Variants in DLC1 observed in about 807,000 individuals in gnomAD.
DLC1 encodes rho GTPase-activating protein 7.
DLC1 carries 54 observed loss-of-function variants against 140.3 expected under a neutral mutation model. That is an observed-to-expected ratio of 0.38 (90% CI 0.31 to 0.48). The LOEUF is 0.48. Ranked by LOEUF, DLC1 falls within the 20% of genes least tolerant of loss-of-function variation. The probability of loss-of-function intolerance (pLI) is 0.96; values close to 1 mark genes in which losing one functional copy is unlikely to be tolerated. For missense variants in DLC1, 2,536 were observed against 1,907.0 expected (o/e 1.33, Z -6.14); for synonymous variants, 986 against 728.1 (o/e 1.35, Z -5.70).
chr8:13,270,056 CAAA>C (rs538965954), intron 5 of DLC1, among the ~76,000 whole-genome samples: 7 of 71,752 alleles, frequency 9.8e-5, no homozygotes, highest in Non-Finnish European at 8.6e-5. Context: ...GACTCCGTCT[CAAA>C]AAAAAAAAAA....
chr8:13,288,031 C>A (rs2117449623), intron 5 of DLC1, among the ~76,000 whole-genome samples: 1 of 152,142 alleles, frequency 6.6e-6, no homozygotes, highest in Non-Finnish European at 1.5e-5. Context: ...TATGTATTAT[C>A]ATGAGCAATG....
chr8:13,396,741 A>T (rs1940092051), intron 3 of DLC1, among the ~76,000 whole-genome samples: 1 of 152,222 alleles, frequency 6.6e-6, no homozygotes, highest in Admixed American at 6.5e-5. Context: ...TAATAGGACC[A>T]TCAATGTGTA....
At position 13,393,617 on chromosome 8, in the gene DLC1, G is replaced by A. The variant is rs73551600; in HGVS notation, c.1250C>T (p.Thr417Ile). The change falls in exon 4 of 18, where the codon ACT (threonine) becomes ATT (isoleucine). Residue 417 changes from threonine (T) to isoleucine (I), a missense_variant. Thr to Ile is a moderately conservative substitution (Grantham distance 89). Coordinates refer to ENST00000276297, the MANE Select transcript of DLC1 (RefSeq NM_182643.3). ...GGAAGATGGGAGGTCCGTGGACTCA[G>A]TGTCAGAAGACAAATTTACTCGTGT... ...NQTRVNLSSD[T>I]ESTDLPSSTP... 3.6e-4 allele frequency: 581 copies of A among 1,614,184 alleles called. 1 individual carries two copies. In the African/African-American group the frequency reaches 7.2e-3, roughly 20 times the overall value.
At position 13,100,177 on chromosome 8, in the gene DLC1, A is replaced by G. The variant is rs2128937223; in HGVS notation, c.2160T>C (p.Asn720=). 1 of 1,613,282 alleles carries G rather than the reference A, an allele frequency of 6.2e-7. No homozygotes were observed. Among genetic ancestry groups the G allele is most frequent in the African/African-American group, 1.3e-5 (1 of 74,694 alleles). The stretch of plus-strand genomic sequence containing the variant: ...CCATGGGGACGTTGATGCGGTTGCC[A>G]TTGAGGGCGGAGATCTCCACGCAGT... ...QLNCVEISAL[N]GNRINVPMVR... is the part of the protein sequence containing the mutation. Residue 720 remains asparagine (N), a synonymous_variant, in exon 9 of 18, where the codon AAT becomes AAC. Transcript: ENST00000276297.
rs748551519 is a variant in DLC1 at position 13,499,495 on chromosome 8, G to C, written c.577C>G (p.Leu193Val). Residue 193 changes from leucine to valine, a missense_variant, in exon 2 of 18, where the codon CTT (leucine) becomes GTT (valine). Transcript: ENST00000276297. ...TCACTTAAGCTTATTTCATTGCAAA[G>C]CTCCAGGCTTTTACTTATAGAGTCA... is the stretch of plus-strand genomic sequence containing the variant. Reference protein sequence around the residue: ...VTDSISKSLELCNEISLSEIK... With the variant: ...VTDSISKSLEVCNEISLSEIK... 11 of 1,613,954 alleles carry C rather than the reference G, an allele frequency of 6.8e-6. No homozygotes were observed. Among genetic ancestry groups the C allele is most frequent in the African/African-American group, 1.3e-5 (1 of 74,902 alleles).
intron 1 of DLC1, among the ~76,000 whole-genome samples, chr8:13,574,674 C>G (rs1416009818): frequency 2.6e-5 from 4 of 152,146 alleles, no homozygotes; most frequent in South Asian, 2.1e-4. Flanking sequence ...ATCAAATAGA[C>G]TAAAATTCTG....
chr8:13,598,795 A>AT (rs1429016795), intron 1 of DLC1, among the ~76,000 whole-genome samples: 1 of 152,052 alleles, frequency 6.6e-6, no homozygotes, highest in African/African-American at 2.4e-5. Context: ...CCTAGTACAT[A>AT]TTGTTACACC....
At chr8:13,478,664 C>G (rs992742665) in intron 2 of DLC1, among the ~76,000 whole-genome samples, 1 of 152,218 alleles carries the variant, frequency 6.6e-6, no homozygotes, top group African/African-American at 2.4e-5. Context: ...AGAACTGTCT[C>G]TCCTCAGGTA....
upstream of DLC1, among the ~76,000 whole-genome samples, chr8:13,518,077 T>C (rs974159065): frequency 1.3e-5 from 2 of 150,972 alleles, no homozygotes; most frequent in African/African-American, 4.9e-5. Context: ...GTGGATTAAA[T>C]GGTATTTTAA....
intron 2 of DLC1, among the ~76,000 whole-genome samples, chr8:13,442,622 C>T (rs1173445895): frequency 1.3e-5 from 2 of 152,162 alleles, no homozygotes; most frequent in Non-Finnish European, 2.9e-5. Context: ...CATCACTGGC[C>T]ATCAGAGAAA....
intron 1 of DLC1, among the ~76,000 whole-genome samples, chr8:13,599,673 T>G (rs907669870): frequency 2.0e-5 from 3 of 151,954 alleles, no homozygotes; most frequent in Non-Finnish European, 2.9e-5. Flanking sequence ...AATGGTCACA[T>G]ATACCTTGCA....
chr8:13,279,880 G>A (rs558617062), intron 5 of DLC1, among the ~76,000 whole-genome samples: 17 of 152,246 alleles, frequency 1.1e-4, no homozygotes, highest in African/African-American at 3.6e-4. Flanking sequence ...ATGACTCTGA[G>A]AGGTGAGAAT....
chr8:13,508,768 A>G (rs1339600810), intron 1 of DLC1, among the ~76,000 whole-genome samples: 1 of 151,248 alleles, frequency 6.6e-6, no homozygotes, highest in Non-Finnish European at 1.5e-5. Context: ...TCCATGTTTT[A>G]TTTTTTTTTA....
At chr8:13,525,603 T>G (rs1454834717) in intron 1 of DLC1, among the ~76,000 whole-genome samples, 1 of 152,218 alleles carries the variant, frequency 6.6e-6, no homozygotes, top group East Asian at 1.9e-4. Context: ...TGAGAATCTT[T>G]TCACATGCGT....
intron 4 of DLC1, among the ~76,000 whole-genome samples, chr8:13,377,702 G>T (rs989419438): frequency 6.6e-6 from 1 of 151,956 alleles, no homozygotes; most frequent in African/African-American, 2.4e-5. Flanking sequence ...GTCATGAAAC[G>T]TCTTCTGTGG....
intron 4 of DLC1, among the ~76,000 whole-genome samples, chr8:13,393,163 T>TC (rs1836844971): frequency 1.3e-5 from 2 of 152,066 alleles, no homozygotes; most frequent in Non-Finnish European, 2.9e-5. Flanking sequence ...CATCCATCCA[T>TC]CATCATCTGT....
intron 2 of DLC1, among the ~76,000 whole-genome samples, chr8:13,453,400 ATG>A (rs1166173314): frequency 0.03 from 1,145 of 38,760 alleles, 72 homozygotes; most frequent in African/African-American, 0.045. Context: ...ATATATATAT[ATG>A]TGTATATATA....
intron 5 of DLC1, among the ~76,000 whole-genome samples, chr8:13,188,844 T>TATATATATATGTATATATATATATATA (rs1491498157): frequency 7.7e-5 from 2 of 25,836 alleles, no homozygotes; most frequent in Non-Finnish European, 1.6e-4. Flanking sequence ...TATATATATA[T>TATATATATATGTATATATATATATATA]TTTTTTTTTT....
intron 5 of DLC1, chr8:13,304,628 T>G: frequency 4.5e-6 from 4 of 892,632 alleles, no homozygotes; most frequent in Non-Finnish European, 5.4e-6. Flanking sequence ...TAATATACCT[T>G]TAATCTGTTT....
Sources: allele counts gnomAD v4.1 joint callset (sites outside exome capture counted in the v4.1 genomes callset), GRCh38; gene constraint gnomAD v4.1.1; transcripts MANE v1.5; gene names NCBI Gene and HGNC (gene_info 2026-07-23, HGNC 2026-07-21).